The following SUPT16H variants were observed in gnomAD, a reference collection of about 807,000 sequenced individuals.
SUPT16H encodes SPT16 homolog, facilitates chromatin remodeling subunit.
Under a neutral mutation model 136.2 loss-of-function variants are expected in SUPT16H, and 24 were observed. The ratio of observed to expected loss-of-function variants is 0.18; its 90% CI spans 0.13 to 0.25. The LOEUF is 0.25. SUPT16H is among the 10% of genes least tolerant of loss of function. SUPT16H has a pLI of 1.00. For synonymous variants in SUPT16H, 415 were observed against 428.2 expected, an observed-to-expected ratio of 0.97 and a Z score of 0.38; for missense variants, 623 against 1,270.2, an observed-to-expected ratio of 0.49 and a Z score of 7.74.
At chr14:21,375,465 A>G (rs920443420) in intron 1 of SUPT16H, among the ~76,000 whole-genome samples, 1 of 152,182 alleles carries the variant, frequency 6.6e-6, no homozygotes, top group Admixed American at 6.5e-5. Context: ...ATTGAGCTGT[A>G]AGAGTTTTCA....
rs1260360257 is a variant in SUPT16H at position 21,351,557 on chromosome 14, TAAG to T, written c.*1113_*1115del. Reference sequence around the variant, plus strand: ...AATTGAAAATATCAAGTCCTACTGCTAAGGAGAAAAAACAAACAAACATAAAAT... The same window carrying T: ...AATTGAAAATATCAAGTCCTACTGCTGAGAAAAAACAAACAAACATAAAAT... On this transcript the variant is annotated 3_prime_UTR_variant, in exon 26 of 26. Coordinates refer to ENST00000216297, the MANE Select transcript of SUPT16H (RefSeq NM_007192.4). The T allele has an allele frequency of 5.4e-6, 1 of 184,058 alleles. No homozygotes were observed. Among genetic ancestry groups the T allele is most frequent in the Admixed American group, 6.1e-5 (1 of 16,352 alleles). 11.4% of individuals were successfully genotyped at this position (184,058 alleles called of 1,614,324 possible).
Position 21,357,315 on chromosome 14 carries a change from C to T in SUPT16H, c.2542G>A (p.Val848Ile). 6.2e-7 allele frequency: 1 copy of T among 1,613,168 alleles called. No individual in the cohort carries two copies. The highest frequency in any genetic ancestry group is 8.5e-7 in the Non-Finnish European group (1 of 1,179,490). ...TCAAAGTTCTTCAGGTGAAACTGGA[C>T]CCGCTCAAAGTGGATCAGCTCTACC... ...DEVELIHFER[V>I]QFHLKNFDMV... The change falls in exon 22 of 26, where the codon GTC becomes ATC. Residue 848 changes from valine (V) to isoleucine (I), a missense_variant. Physicochemically the swap from Val to Ile is conservative, Grantham distance 29. This residue lies in a region of SUPT16H where 74 missense variants were observed against 193.8 expected (regional missense o/e 0.38). Coordinates refer to ENST00000216297, the MANE Select transcript of SUPT16H (RefSeq NM_007192.4).
chr14:21,356,907 C>T (rs768275108), intron 22 of SUPT16H, among the ~76,000 whole-genome samples: 10 of 151,968 alleles, frequency 6.6e-5, no homozygotes, highest in African/African-American at 1.5e-4. Context: ...GTGGGAGGAT[C>T]GCTTGAGCCC....
chr14:21,357,205 T>C lies in SUPT16H; in HGVS notation c.2652A>G (p.Glu884=), dbSNP rs943969325. ...ATGGCAGATTTACTTACTTCAACCA[T>C]TCCTTGATGGGGTCAAGAGAGGCTA... The part of the protein sequence containing the change: ...IPVASLDPIK[E]WLNSCDLKYT... Residue 884 remains glutamate (E), a synonymous_variant, in exon 22 of 26, where the codon GAA becomes GAG. Transcript: ENST00000216297. 34 of 1,594,510 alleles carry C rather than the reference T, an allele frequency of 2.1e-5. No homozygotes were observed. The highest frequency in any genetic ancestry group is 2.9e-5 in the Non-Finnish European group (34 of 1,171,202).
Position 21,363,082 on chromosome 14 carries a change from T to G in SUPT16H, c.1463A>C (p.Glu488Ala). 1.9e-6 allele frequency: 3 copies of G among 1,614,000 alleles called. No homozygotes were observed. The highest frequency in any genetic ancestry group is 2.5e-6 in the Non-Finnish European group (3 of 1,180,030). The change falls in exon 13 of 26, where the codon GAA becomes GCA. Residue 488 changes from glutamate to alanine, a missense_variant. This residue lies in a region of SUPT16H where 30 missense variants were observed against 44.8 expected (regional missense o/e 0.67). Transcript: ENST00000216297. ...TTGTTCAGTCAATCGCCTCTTTGCT[T>G]CTTCATTGAGTTGAGCCGCTAGTTC... ...QKELAAQLNE[E>A]AKRRLTEQKG...
At chr14:21,362,463 ATC>A in intron 14 of SUPT16H, 139 bp from the exon 15 acceptor site, 1 of 896,016 alleles carries the variant, frequency 1.1e-6, no homozygotes, top group Non-Finnish European at 1.6e-6. Flanking sequence ...TACATAATTT[ATC>A]TTTTTAATAA....
rs150965279 is a variant in SUPT16H, at chr14:21,352,105, A to G, written c.*568T>C. 263 of 156,384 alleles carry G rather than the reference A, an allele frequency of 1.7e-3. 1 individual carries two copies. Among genetic ancestry groups the G allele is most frequent in the Middle Eastern group, 0.01 (3 of 294 alleles). The allele number at this position is 156,384 out of a possible 1,614,324, so 9.7% of individuals were successfully genotyped here. On this transcript the variant is annotated 3_prime_UTR_variant, in exon 26 of 26. Transcript: ENST00000216297. ...ACCTCAGAATCTGCACGAGGCAGGA[A>G]AGCAGGAAAACTCAGACGAAGGCAC...
rs1566383859 is a variant in SUPT16H, at chr14:21,360,463, G to A, written c.2127C>T (p.Phe709=). 3 of 1,613,978 alleles carry A rather than the reference G, an allele frequency of 1.9e-6. No individual in the cohort carries two copies. The highest frequency in any genetic ancestry group is 1.7e-6 in the Non-Finnish European group (2 of 1,179,996). The part of the protein sequence containing the change: ...ILYNNIKHAL[F]QPCDGEMIIV... ...TAATCATTTCTCCATCACAGGGCTGGAACAAAGCATGCTTAATATTATTGT... is the reference window on the plus strand; with the variant it reads ...TAATCATTTCTCCATCACAGGGCTGAAACAAAGCATGCTTAATATTATTGT... Residue 709 remains phenylalanine (F), a synonymous_variant, in exon 18 of 26, where the codon TTC becomes TTT. Transcript: ENST00000216297.
intron 1 of SUPT16H, 83 bp downstream of exon 1, chr14:21,383,779 A>G (rs1465556696): frequency 2.0e-6 from 3 of 1,519,692 alleles, no homozygotes; most frequent in South Asian, 2.2e-5. Flanking sequence ...CCTGACCGAA[A>G]GAGAAAAAAG....
intron 22 of SUPT16H, among the ~76,000 whole-genome samples, chr14:21,355,926 C>G (rs1417144989): frequency 6.6e-6 from 1 of 152,110 alleles, no homozygotes; most frequent in African/African-American, 2.4e-5. Context: ...AACTACAAAA[C>G]AAAATATGAA....
rs756543650 is a variant in SUPT16H at position 21,360,206 on chromosome 14, T to G, written c.2175+209A>C. Among the ~76,000 whole-genome samples, 18 of 152,190 alleles carry G rather than the reference T, an allele frequency of 1.2e-4. 1 individual carries two copies. Among genetic ancestry groups the G allele is most frequent in the Non-Finnish European group, 2.2e-4 (15 of 68,024 alleles). On this transcript the variant is annotated intron_variant, in intron 18 of 25. Coordinates refer to ENST00000216297, the MANE Select transcript of SUPT16H (RefSeq NM_007192.4). Reference sequence around the variant, plus strand: ...CTACGCCTGGCTAATTTTTGTATTTTTAGTAGAGACGGGGTTTCATCATGT... The same window carrying G: ...CTACGCCTGGCTAATTTTTGTATTTGTAGTAGAGACGGGGTTTCATCATGT...
Position 21,383,859 on chromosome 14 carries a change from C to T in SUPT16H, c.66+3G>A. 6.2e-7 allele frequency: 1 copy of T among 1,613,990 alleles called. No individual in the cohort carries two copies. ...CTAGGAAAAATTACAGGATCTTCCT[C>T]ACCCGCCAATTGCTGTACAGTCTCT... On this transcript the variant is annotated splice_donor_region_variant and intron_variant, in intron 1 of 25. Transcript: ENST00000216297.
At chr14:21,353,112 G>C (rs973332226) in intron 25 of SUPT16H, among the ~76,000 whole-genome samples, 2 of 152,162 alleles carry the variant, frequency 1.3e-5, no homozygotes, top group African/African-American at 4.8e-5. Flanking sequence ...AACTAGATTA[G>C]CATTATAAAG....
rs940783877 is a variant in SUPT16H at position 21,351,493 on chromosome 14, C to CA, written c.*1179dup. On this transcript the variant is annotated 3_prime_UTR_variant, in exon 26 of 26. Coordinates refer to ENST00000216297, the MANE Select transcript of SUPT16H (RefSeq NM_007192.4). ...CAGGTGAATTTACAAAAACAAACAA[C>CA]AAAAAAAACCCAGTTTATTCATCTT... 98 of 289,090 alleles carry CA rather than the reference C, an allele frequency of 3.4e-4. No individual in the cohort carries two copies. Among genetic ancestry groups the CA allele is most frequent in the East Asian group, 1.2e-3 (21 of 17,074 alleles). The allele number at this position is 289,090 out of a possible 1,614,324, so 17.9% of individuals were successfully genotyped here.
chr14:21,361,263 A>G (rs753515857), intron 15 of SUPT16H, 50 bp from the exon 16 acceptor site: 7 of 1,591,610 alleles, frequency 4.4e-6, no homozygotes, highest in Non-Finnish European at 5.2e-6. Context: ...AGGCCAGGGA[A>G]ATTGTACTGA....
At chr14:21,379,126 A>T (rs1184795056) in intron 1 of SUPT16H, among the ~76,000 whole-genome samples, 1 of 152,190 alleles carries the variant, frequency 6.6e-6, no homozygotes, top group Non-Finnish European at 1.5e-5. Context: ...ATAGGGATAA[A>T]AAGTAAATAT....
At chr14:21,366,359 T>C in intron 8 of SUPT16H, 80 bp downstream of exon 8, 1 of 1,330,124 alleles carries the variant, frequency 7.5e-7, no homozygotes. Context: ...AATCAATCAA[T>C]TAGCCTAAAG....
Position 21,360,806 on chromosome 14 carries a change from C to T in SUPT16H, c.2056+40G>A, listed in dbSNP as rs747713010. 6 of 1,585,354 alleles carry T rather than the reference C, an allele frequency of 3.8e-6. No individual in the cohort carries two copies. In the African/African-American group the frequency reaches 8.2e-5, roughly 22 times the overall value. Reference sequence around the variant, plus strand: ...GATCTGTCATTCCTAACAAATGTGCCCTGAAGAGAAAGCCTAGGTACAGGA... The same window carrying T: ...GATCTGTCATTCCTAACAAATGTGCTCTGAAGAGAAAGCCTAGGTACAGGA... On this transcript the variant is annotated intron_variant, in intron 17 of 25. Transcript: ENST00000216297.
At chr14:21,354,839 G>A (rs976883442) in intron 22 of SUPT16H, 2 of 229,990 alleles carry the variant, frequency 8.7e-6, no homozygotes, top group Admixed American at 5.3e-5. Context: ...TGAATAACCT[G>A]CCTCAGCCTC....
Sources: allele counts gnomAD v4.1 joint callset (sites outside exome capture counted in the v4.1 genomes callset), GRCh38; gene constraint gnomAD v4.1.1; regional missense constraint gnomAD v4.1.1; transcripts MANE v1.5; gene names NCBI Gene and HGNC (gene_info 2026-07-23, HGNC 2026-07-21).